PRDX4: variants seen among roughly 807,000 people sequenced by gnomAD.
PRDX4 encodes the protein peroxiredoxin-4.
Under a neutral mutation model 20.5 loss-of-function variants are expected in PRDX4, and 12 were observed. The observed-to-expected ratio is 0.58, with a 90% CI of 0.37 to 0.95. The LOEUF is 0.95. Among genes scored for constraint, PRDX4 ranks in the 40% least tolerant of loss-of-function variants. The probability of loss-of-function intolerance (pLI) is 0.01; values close to 1 mark genes in which losing one functional copy is unlikely to be tolerated. For missense variants in PRDX4, 180 were observed against 207.3 expected (o/e 0.87, Z 0.81); for synonymous variants, 99 against 87.5 (o/e 1.13, Z -0.73).
At chrX:23,677,244 A>G (rs1927966956) in intron 3 of PRDX4, among the ~76,000 whole-genome samples, 1 of 111,196 alleles carries the variant, frequency 9.0e-6, no homozygotes, top group South Asian at 3.7e-4. Context: ...AGATATCTAG[A>G]GCAATGTCGT....
chrX:23,686,161 T>A, intron 6 of PRDX4, 124 bp from the exon 7 acceptor site: 1 of 484,335 alleles, frequency 2.1e-6, no homozygotes, highest in Non-Finnish European at 3.5e-6. Context: ...CATTTTTTTC[T>A]AAATATACAA....
chrX:23,673,689 G>A (rs1927889010), intron 2 of PRDX4, among the ~76,000 whole-genome samples: 1 of 109,675 alleles, frequency 9.1e-6, no homozygotes, highest in Non-Finnish European at 1.9e-5. Context: ...CCGGGAGGCG[G>A]AGGTTGCAGT....
In PRDX4 at chrX:23,686,349, A is replaced by C. The variant is rs1456262547; in HGVS notation, c.*14A>C. On this transcript the variant is annotated 3_prime_UTR_variant, in exon 7 of 7. Coordinates refer to ENST00000379341, the MANE Select transcript of PRDX4 (RefSeq NM_006406.2). ...AAACTGAATTGAGAAATACTTCTTC[A>C]AGTTATGATGCTTGAAAGTTCTCAA... 8.7e-7 allele frequency: 1 copy of C among 1,153,087 alleles called. No homozygotes were observed.
intron 2 of PRDX4, among the ~76,000 whole-genome samples, chrX:23,672,276 AAATT>A (rs1175842973): frequency 1.8e-5 from 2 of 112,144 alleles, no homozygotes; most frequent in Non-Finnish European, 3.8e-5. Flanking sequence ...AAGAAAAAGA[AAATT>A]AAGCCATTTT....
At chrX:23,678,112 C>G (rs1054689924) in intron 3 of PRDX4, among the ~76,000 whole-genome samples, 20 of 108,825 alleles carry the variant, frequency 1.8e-4, no homozygotes, top group Non-Finnish European at 3.4e-4. Flanking sequence ...ATTAAAAATA[C>G]GAAAAATAGC....
At chrX:23,672,002 T>A (rs1927854352) in intron 2 of PRDX4, among the ~76,000 whole-genome samples, 2 of 112,299 alleles carry the variant, frequency 1.8e-5, no homozygotes, top group Non-Finnish European at 3.8e-5. Flanking sequence ...GAAAATTAAT[T>A]CTGTAATCCC....
At chrX:23,670,988 G>A (rs1927831491) in intron 1 of PRDX4, among the ~76,000 whole-genome samples, 1 of 112,029 alleles carries the variant, frequency 8.9e-6, no homozygotes, top group Admixed American at 9.5e-5. Flanking sequence ...ATCCAGGAGG[G>A]TTTAGTGCAG....
intron 2 of PRDX4, 77 bp from the exon 3 acceptor site, chrX:23,674,913 G>A (rs1927914154): frequency 8.9e-7 from 1 of 1,120,687 alleles, no homozygotes; most frequent in Admixed American, 3.0e-5. Flanking sequence ...AAAGGTATTT[G>A]TAAAAATTGT....
chrX:23,683,718 A>T lies in PRDX4; in HGVS notation c.765+13A>T. The T allele has an allele frequency of 8.4e-7, 1 of 1,189,752 alleles. No individual in the cohort carries two copies. The highest frequency in any genetic ancestry group is 1.1e-6 in the Non-Finnish European group (1 of 883,472). ...TGGTAGTGAAACAGTAAGTATATATATATGTTTTTATGTTGAGTTGATGGT... is the reference window on the plus strand; with the variant it reads ...TGGTAGTGAAACAGTAAGTATATATTTATGTTTTTATGTTGAGTTGATGGT... On this transcript the variant is annotated intron_variant, in intron 6 of 6. Transcript: ENST00000379341.
At chrX:23,667,902 CCCCTGGGCTGCCTCCGGG>C in intron 1 of PRDX4, 91 bp downstream of exon 1, 4 of 1,144,950 alleles carry the variant, frequency 3.5e-6, no homozygotes, top group Non-Finnish European at 4.7e-6. Flanking sequence ...TGGGCGGCAC[CCCCTGGGCTGCCTCCGGG>C]CCCTGGGCGG....
chrX:23,685,938 G>T, intron 6 of PRDX4: 1 of 258,293 alleles, frequency 3.9e-6, no homozygotes, highest in Non-Finnish European at 7.6e-6. Flanking sequence ...CATTTTAGCA[G>T]CATGATTTTA....
chrX:23,671,309 A>G (rs1352836750), intron 1 of PRDX4: 1 of 320,007 alleles, frequency 3.1e-6, no homozygotes, highest in Non-Finnish European at 5.3e-6. Context: ...TTTTTTTAAT[A>G]TTTTTATAAT....
At chrX:23,671,984 C>T (rs762476598) in intron 2 of PRDX4, among the ~76,000 whole-genome samples, 7 of 112,426 alleles carry the variant, frequency 6.2e-5, no homozygotes, top group South Asian at 3.7e-4. Context: ...CTGTATCTCT[C>T]TTGATTAGAA....
At chrX:23,672,874 A>G (rs1470630702) in intron 2 of PRDX4, among the ~76,000 whole-genome samples, 1 of 111,897 alleles carries the variant, frequency 8.9e-6, no homozygotes, top group Non-Finnish European at 1.9e-5. Context: ...CTAAGCCACA[A>G]AGGAAGAATT....
intron 3 of PRDX4, 146 bp from the exon 4 acceptor site, chrX:23,679,019 G>A: frequency 1.7e-6 from 1 of 580,113 alleles, no homozygotes; most frequent in Non-Finnish European, 2.7e-6. Flanking sequence ...GGAAAAGCAA[G>A]AAAATAGAAA....
chrX:23,675,309 A>C, intron 3 of PRDX4: 1 of 800,015 alleles, frequency 1.2e-6, no homozygotes, highest in Non-Finnish European at 1.7e-6. Flanking sequence ...TGCTATAATA[A>C]AAATGCTTAA....
At chrX:23,669,267 A>G (rs1006582671) in intron 1 of PRDX4, among the ~76,000 whole-genome samples, 12 of 112,338 alleles carry the variant, frequency 1.1e-4, no homozygotes, top group Admixed American at 1.0e-3. Flanking sequence ...TTTTAAAATC[A>G]GTATTTCCAA....
chrX:23,680,635 A>C (rs943999024), intron 4 of PRDX4, among the ~76,000 whole-genome samples: 5 of 111,514 alleles, frequency 4.5e-5, no homozygotes, highest in Admixed American at 9.6e-5. Flanking sequence ...TCATGCCTGT[A>C]ATCCCAGCTC....
intron 2 of PRDX4, among the ~76,000 whole-genome samples, chrX:23,674,622 A>T (rs771228786): frequency 9.0e-6 from 1 of 111,298 alleles, no homozygotes; most frequent in Non-Finnish European, 1.9e-5. Flanking sequence ...AAATGACATA[A>T]AATTTGTATA....
Sources: gnomAD v4.1 joint callset for allele counts (sites outside exome capture counted in the v4.1 genomes callset) on GRCh38, gnomAD v4.1.1 for gene constraint, MANE v1.5 for transcripts, NCBI Gene and HGNC (gene_info 2026-07-23, HGNC 2026-07-21) for gene names.